The following LRRIQ1 variants were observed in gnomAD, a reference collection of about 807,000 sequenced individuals.
LRRIQ1 encodes leucine rich repeats and IQ motif containing 1.
A neutral mutation model predicts 211.9 loss-of-function variants in LRRIQ1; 210 were observed. The ratio of observed to expected loss-of-function variants is 0.99; its 90% confidence interval spans 0.89 to 1.11. The LOEUF is 1.11. LRRIQ1 is among the 50% of genes most tolerant of loss of function. The pLI is 0.00. For missense variants in LRRIQ1, 2,136 were observed against 1,939.5 expected (o/e 1.10, Z -1.90); for synonymous variants, 699 against 650.1 (o/e 1.08, Z -1.14).
intron 15 of LRRIQ1, among the ~76,000 whole-genome samples, chr12:85,112,362 G>C (rs1013243581): frequency 6.6e-6 from 1 of 151,054 alleles, no homozygotes; most frequent in African/African-American, 2.4e-5. Context: ...TAATATTAAA[G>C]TTAATGTATA....
chr12:85,140,755 A>G (rs73182430), intron 19 of LRRIQ1, among the ~76,000 whole-genome samples: 35 of 151,282 alleles, frequency 2.3e-4, no homozygotes, highest in Non-Finnish European at 4.6e-4. Context: ...TGGTTTAAGG[A>G]AGTTAACTTC....
chr12:85,060,684 A>T (rs1328000133), intron 8 of LRRIQ1, among the ~76,000 whole-genome samples: 1 of 151,872 alleles, frequency 6.6e-6, no homozygotes, highest in East Asian at 1.9e-4. Context: ...TTTTTAAAAC[A>T]ATATTATTTT....
intron 11 of LRRIQ1, among the ~76,000 whole-genome samples, chr12:85,080,200 TC>T (rs1884127732): frequency 6.6e-6 from 1 of 152,054 alleles, no homozygotes; most frequent in African/African-American, 2.4e-5. Context: ...CTTAAGTTGA[TC>T]CTTGAAATAT....
chr12:85,084,478 ATACT>A (rs1484164962), intron 11 of LRRIQ1, among the ~76,000 whole-genome samples: 1 of 152,072 alleles, frequency 6.6e-6, no homozygotes, highest in Non-Finnish European at 1.5e-5. Flanking sequence ...ATTGATAATA[ATACT>A]TATTATTGCT....
At chr12:85,213,273 T>C (rs74111611) in intron 24 of LRRIQ1, among the ~76,000 whole-genome samples, 6,957 of 151,950 alleles carry the variant, frequency 0.046, 193 homozygotes, top group African/African-American at 0.074. Flanking sequence ...TTCAAAATGA[T>C]AAAAAGTTCC....
In LRRIQ1 at chr12:85,055,832, GAA is replaced by G. The variant is rs751790592; in HGVS notation, c.1040_1041del (p.Glu347GlyfsTer18). The G allele has an allele frequency of 3.8e-5, 60 of 1,577,890 alleles. No homozygotes were observed. The highest frequency in any genetic ancestry group is 1.3e-4 in the Admixed American group (7 of 54,630). On this transcript the variant is annotated frameshift_variant, in exon 8 of 27. Transcript: ENST00000393217. LOFTEE classifies it high-confidence loss of function. ...ATTAGAGGAGGAACAAAGGATAAAA[GAA>G]GAGAGAAAAAAGCAAAAGGAAGAGG... ...KRLEEEQRIK[E>X]ERKKQKEEER...
At chr12:85,164,087 C>A (rs115453804) in intron 24 of LRRIQ1, among the ~76,000 whole-genome samples, 335 of 152,248 alleles carry the variant, frequency 2.2e-3, no homozygotes, top group African/African-American at 7.8e-3. Flanking sequence ...TCTTTGTTTA[C>A]CTTTGTTACC....
In LRRIQ1 at chr12:85,139,695, G is replaced by A. The variant is rs568065519; in HGVS notation, c.4329+1726G>A. Among the ~76,000 whole-genome samples the A allele has an allele frequency of 4.0e-4, 60 of 151,506 alleles. 1 individual carries two copies. The highest frequency in any genetic ancestry group is 1.8e-4 in the Non-Finnish European group (12 of 67,558). On this transcript the variant is annotated intron_variant, in intron 19 of 26. Coordinates refer to ENST00000393217, the MANE Select transcript of LRRIQ1 (RefSeq NM_001079910.2). ...TCAATAAGACTATGAAGATGAAGGT[G>A]TTGTAGAGACAGAACACTATTGCTC...
At chr12:85,163,821 T>C (rs1429338546) in intron 24 of LRRIQ1, among the ~76,000 whole-genome samples, 2 of 152,102 alleles carry the variant, frequency 1.3e-5, no homozygotes, top group African/African-American at 4.8e-5. Context: ...TTTTACAGGA[T>C]GTTCTTCTAT....
chr12:85,228,855 A>T (rs1894797432), intron 24 of LRRIQ1, among the ~76,000 whole-genome samples: 4 of 152,176 alleles, frequency 2.6e-5, no homozygotes, highest in Non-Finnish European at 1.5e-5. Context: ...TTTAAACTAC[A>T]GAATTGTTCT....
At chr12:85,232,216 A>G (rs1894976212) in intron 25 of LRRIQ1, among the ~76,000 whole-genome samples, 3 of 152,114 alleles carry the variant, frequency 2.0e-5, no homozygotes, top group Admixed American at 2.0e-4. Context: ...AATTATTTTC[A>G]AAGACAAGAG....
chr12:85,085,828 C>G (rs1263644396), intron 11 of LRRIQ1, among the ~76,000 whole-genome samples: 2 of 152,074 alleles, frequency 1.3e-5, no homozygotes, highest in Non-Finnish European at 2.9e-5. Flanking sequence ...TTTTCTTTAT[C>G]CAGTTCCCTG....
chr12:85,250,489 C>A (rs1051667565), intron 1 of LRRIQ1, among the ~76,000 whole-genome samples: 1 of 151,270 alleles, frequency 6.6e-6, no homozygotes, highest in Non-Finnish European at 1.5e-5. Context: ...TATATAATCC[C>A]AGCAATTTGG....
rs749623574 is a variant in LRRIQ1 at position 85,056,149 on chromosome 12, TAGAC to T, written c.1361_1364del (p.Gln454LeufsTer3). ...AATCAAATATGAAAGAAAATGTAGA[TAGAC>T]AGACTATATTAAAAGAATCAATACA... On this transcript the variant is annotated frameshift_variant, in exon 8 of 27. Coordinates refer to ENST00000393217, the MANE Select transcript of LRRIQ1 (RefSeq NM_001079910.2). LOFTEE classifies it high-confidence loss of function. 4.3e-5 allele frequency: 69 copies of T among 1,598,182 alleles called. No homozygotes were observed. Among genetic ancestry groups the T allele is most frequent in the South Asian group, 8.1e-5 (7 of 86,944 alleles).
intron 15 of LRRIQ1, among the ~76,000 whole-genome samples, chr12:85,118,337 A>G (rs1887722479): frequency 6.6e-6 from 1 of 152,120 alleles, no homozygotes. Flanking sequence ...CTGCTTCATA[A>G]TATGTAGATC....
chr12:85,193,726 T>A (rs1019058588), intron 24 of LRRIQ1, among the ~76,000 whole-genome samples: 4 of 151,346 alleles, frequency 2.6e-5, no homozygotes, highest in African/African-American at 4.9e-5. Flanking sequence ...TCATGCCAAA[T>A]TGTAAAGACC....
At position 85,099,358 on chromosome 12, in the gene LRRIQ1, T is replaced by C. The variant is rs191229030; in HGVS notation, c.3209+364T>C. 2.6e-3 allele frequency among the ~76,000 whole-genome samples: 391 copies of C among 152,000 alleles called. 4 individuals are homozygous for C. The highest frequency in any genetic ancestry group is 9.2e-3 in the African/African-American group (384 of 41,558). On this transcript the variant is annotated intron_variant, in intron 13 of 26. Transcript: ENST00000393217. ...CAGAAGGATGTCTCATTCTCTCAAA[T>C]GGTACTTATTAAGTCCTGGAAGGAC...
intron 16 of LRRIQ1, among the ~76,000 whole-genome samples, chr12:85,123,199 G>A (rs1888110595): frequency 6.6e-6 from 1 of 151,902 alleles, no homozygotes; most frequent in African/African-American, 2.4e-5. Context: ...TGTGAACATA[G>A]GAGCTATCAA....
At chr12:85,208,017 CT>C (rs63702061) in intron 24 of LRRIQ1, among the ~76,000 whole-genome samples, 33,258 of 148,634 alleles carry the variant, frequency 0.22, 8,605 homozygotes, top group African/African-American at 0.63. Flanking sequence ...TCTCATGTTC[CT>C]TTTTTTTTCA....
Sources: allele counts gnomAD v4.1 joint callset (sites outside exome capture counted in the v4.1 genomes callset), GRCh38; gene constraint gnomAD v4.1.1; transcripts MANE v1.5; gene names NCBI Gene and HGNC (gene_info 2026-07-23, HGNC 2026-07-21).